The following NEDD4L variants were observed in gnomAD, a reference collection of about 807,000 sequenced individuals.
The protein encoded by NEDD4L is NEDD4 like E3 ubiquitin protein ligase.
In NEDD4L, 54 loss-of-function variants were observed where a neutral mutation model predicts 148.9. That is an observed-to-expected ratio of 0.36 (90% confidence interval 0.29 to 0.45). The LOEUF (loss-of-function observed/expected upper bound fraction) is 0.45, where lower values mean the gene tolerates loss of function less well. Among genes scored for constraint, NEDD4L ranks in the 20% least tolerant of loss-of-function variants. The pLI is 1.00. For missense variants in NEDD4L, 856 were observed against 1,233.8 expected (o/e 0.69, Z 4.59); for synonymous variants, 433 against 440.7 (o/e 0.98, Z 0.22).
At chr18:58,167,376 A>T (rs2036989527) in intron 2 of NEDD4L, among the ~76,000 whole-genome samples, 1 of 152,246 alleles carries the variant, frequency 6.6e-6, no homozygotes, top group East Asian at 1.9e-4. Context: ...CATTTCCATG[A>T]GTCTGGGCTC....
At chr18:58,180,187 C>T (rs886583079) in intron 2 of NEDD4L, among the ~76,000 whole-genome samples, 5 of 152,172 alleles carry the variant, frequency 3.3e-5, no homozygotes, top group Admixed American at 6.5e-5. Flanking sequence ...CATCCCTCTC[C>T]GAGCCGCGGT....
intron 5 of NEDD4L, among the ~76,000 whole-genome samples, chr18:58,280,702 G>C (rs958569663): frequency 6.6e-6 from 1 of 152,244 alleles, no homozygotes; most frequent in African/African-American, 2.4e-5. Context: ...GGCTGAATCT[G>C]AGAAATATTA....
chr18:58,381,438 G>A (rs2084789797), intron 24 of NEDD4L, among the ~76,000 whole-genome samples: 1 of 152,166 alleles, frequency 6.6e-6, no homozygotes, highest in Non-Finnish European at 1.5e-5. Context: ...ACCAAAGAAG[G>A]CTCTGTGATC....
chr18:58,386,006 C>T (rs539420940), intron 26 of NEDD4L, among the ~76,000 whole-genome samples: 1 of 151,824 alleles, frequency 6.6e-6, no homozygotes, highest in African/African-American at 2.4e-5. Context: ...GCCTGGCCAC[C>T]CCTCCCTCCC....
rs2148574650 is a variant in NEDD4L at position 58,256,193 on chromosome 18, G to A, written c.297+4139G>A. 1 of 1,218,226 alleles carries A rather than the reference G, an allele frequency of 8.2e-7. No individual in the cohort carries two copies. Among genetic ancestry groups the A allele is most frequent in the Admixed American group, 4.3e-5 (1 of 23,232 alleles). The allele number at this position is 1,218,226 out of a possible 1,614,324, so 75.5% of individuals were successfully genotyped here. A position where few individuals can be genotyped will look rare whatever the true frequency, so the allele number is the denominator to read the frequency against. ...CTCCGGCCCCGTGGACTGCGCGGAG[G>A]AGGCTGCCCCGGGCCTGCGCATCCA... On this transcript the variant is annotated intron_variant, in intron 5 of 30. Coordinates refer to ENST00000400345, the MANE Select transcript of NEDD4L (RefSeq NM_001144967.3). This position sits in a 1 kb window ranked among gnomAD's most constrained non-coding sequence, Gnocchi z 5.2.
At chr18:58,299,956 A>G (rs1472660366) in intron 5 of NEDD4L, among the ~76,000 whole-genome samples, 1 of 152,246 alleles carries the variant, frequency 6.6e-6, no homozygotes, top group Non-Finnish European at 1.5e-5. Flanking sequence ...ATGTCTGGGC[A>G]AGATTTTTAT....
At chr18:58,305,972 T>A (rs934360590) in intron 5 of NEDD4L, among the ~76,000 whole-genome samples, 3 of 152,224 alleles carry the variant, frequency 2.0e-5, no homozygotes, top group Non-Finnish European at 4.4e-5. Flanking sequence ...TTCATTATTT[T>A]GTCCTCCAGT....
At chr18:58,134,032 G>A (rs1356962430) in intron 1 of NEDD4L, among the ~76,000 whole-genome samples, 1 of 152,062 alleles carries the variant, frequency 6.6e-6, no homozygotes, top group Non-Finnish European at 1.5e-5. Context: ...ATGGAGTCTT[G>A]TTCACTGGCC....
At chr18:58,166,952 G>A (rs970431739) in intron 2 of NEDD4L, among the ~76,000 whole-genome samples, 2 of 152,128 alleles carry the variant, frequency 1.3e-5, no homozygotes, top group African/African-American at 2.4e-5. Flanking sequence ...TAGTAAGCAC[G>A]CCTCTATTTT....
At chr18:58,214,965 C>T (rs560734174) in intron 2 of NEDD4L, among the ~76,000 whole-genome samples, 1 of 151,878 alleles carries the variant, frequency 6.6e-6, no homozygotes, top group Non-Finnish European at 1.5e-5. Context: ...GCATGCACCA[C>T]CATGCCTGGC....
intron 1 of NEDD4L, among the ~76,000 whole-genome samples, chr18:58,099,173 A>G (rs570310865): frequency 6.6e-6 from 1 of 151,244 alleles, no homozygotes; most frequent in South Asian, 2.1e-4. Context: ...TGACTTCCTT[A>G]TACCCCAGTG....
chr18:58,055,224 A>C (rs1403691690), intron 1 of NEDD4L, among the ~76,000 whole-genome samples: 1 of 152,146 alleles, frequency 6.6e-6, no homozygotes, highest in Non-Finnish European at 1.5e-5. Flanking sequence ...TGGGAGATAG[A>C]GGTGGGAGGA....
intron 3 of NEDD4L, among the ~76,000 whole-genome samples, chr18:58,248,061 TAA>T (rs753323353): frequency 3.3e-5 from 5 of 152,262 alleles, no homozygotes; most frequent in Non-Finnish European, 5.9e-5. Context: ...TCATTTTGAC[TAA>T]AAATATCTAT....
intron 12 of NEDD4L, among the ~76,000 whole-genome samples, 173 bp from the exon 13 acceptor site, chr18:58,335,305 C>T (rs2041585287): frequency 6.6e-6 from 1 of 152,160 alleles, no homozygotes; most frequent in African/African-American, 2.4e-5. Context: ...GGTCACGCTT[C>T]CTTTGTGCTA....
chr18:58,367,527 C>G (rs1266262899), intron 21 of NEDD4L, among the ~76,000 whole-genome samples: 2 of 152,180 alleles, frequency 1.3e-5, no homozygotes, highest in African/African-American at 4.8e-5. Flanking sequence ...ATCAGCGTCT[C>G]TTATGGTTTA....
rs1392435209 is a variant in NEDD4L at position 58,383,247 on chromosome 18, C to T, written c.2354C>T (p.Thr785Ile). The change falls in exon 25 of 31, where the codon ACA becomes ATA. Residue 785 changes from threonine to isoleucine, a missense_variant and splice_region_variant. Physicochemically the swap from Thr to Ile is moderately conservative, Grantham distance 89. Around this residue, in one of 4 missense-constraint regions of NEDD4L, gnomAD observed 286 missense variants for 531.8 expected, o/e 0.54. Coordinates refer to ENST00000400345, the MANE Select transcript of NEDD4L (RefSeq NM_001144967.3). Reference protein sequence around the residue: ...FCIDEENFGQTYQVDLKPNGS... With the variant: ...FCIDEENFGQIYQVDLKPNGS... ...GTTGTTTTGTCTTTGTAATTACAGA[C>T]ATATCAAGTGGATTTGAAGCCCAAT... 6.7e-7 allele frequency: 1 copy of T among 1,492,496 alleles called. No homozygotes were observed. The highest frequency in any genetic ancestry group is 2.0e-5 in the Admixed American group (1 of 50,956). 92.5% of individuals were successfully genotyped at this position (1,492,496 alleles called of 1,614,324 possible).
At chr18:58,382,476 A>G (rs937907013) in intron 24 of NEDD4L, among the ~76,000 whole-genome samples, 1 of 152,228 alleles carries the variant, frequency 6.6e-6, no homozygotes, top group African/African-American at 2.4e-5. Context: ...GGAGAGGTGT[A>G]GGTGCTATAT....
At chr18:58,189,224 G>T (rs1319996592) in intron 2 of NEDD4L, among the ~76,000 whole-genome samples, 2 of 152,132 alleles carry the variant, frequency 1.3e-5, no homozygotes, top group Non-Finnish European at 2.9e-5. Flanking sequence ...CTGTTTGAAA[G>T]GCAGCAACAG....
rs2083050074 is a variant in NEDD4L at position 58,074,332 on chromosome 18, C to T, written c.48+29624C>T. Among the ~76,000 whole-genome samples the T allele has an allele frequency of 2.0e-5, 3 of 151,038 alleles. No individual in the cohort carries two copies. In the South Asian group the frequency reaches 6.3e-4, roughly 32 times the overall value. On this transcript the variant is annotated intron_variant, in intron 1 of 30. Coordinates refer to ENST00000400345, the MANE Select transcript of NEDD4L (RefSeq NM_001144967.3). The stretch of plus-strand genomic sequence containing the variant: ...GGAGTGCAGTGATGCCATCTCGGCT[C>T]ACTGCAACCTCTGCCTCCCGGGTTC...
Sources: gnomAD v4.1 joint callset for allele counts (sites outside exome capture counted in the v4.1 genomes callset) on GRCh38, gnomAD v4.1.1 for gene constraint, gnomAD v4.1.1 regional missense constraint, Gnocchi (gnomAD v3.1) non-coding constraint, MANE v1.5 for transcripts, NCBI Gene and HGNC (gene_info 2026-07-23, HGNC 2026-07-21) for gene names.